ICA1L: variants seen among roughly 807,000 people sequenced by gnomAD.
The protein encoded by ICA1L is islet cell autoantigen 1-like protein.
ICA1L carries 50 observed loss-of-function variants against 61.3 expected under a neutral mutation model. That is an observed-to-expected ratio of 0.82 (90% CI 0.65 to 1.03). The LOEUF is 1.03. ICA1L is among the 50% of genes least tolerant of loss of function. ICA1L has a pLI of 0.00. For missense variants in ICA1L, 508 were observed against 556.7 expected (o/e 0.91, Z 0.88); for synonymous variants, 161 against 191.3 (o/e 0.84, Z 1.31).
intron 1 of ICA1L, chr2:202,844,232 C>T (rs1293927267): frequency 3.9e-5 from 6 of 151,960 alleles, no homozygotes; most frequent in African/African-American, 1.4e-4. Flanking sequence ...AAAAATTAGC[C>T]ATACATTGTG....
chr2:202,773,587 G>T lies in ICA1L; in HGVS notation c.*5946C>A, dbSNP rs1409242160. 2.0e-6 allele frequency: 1 copy of T among 487,880 alleles called. No individual in the cohort carries two copies. The allele number at this position is 487,880 out of a possible 1,614,324, so 30.2% of individuals were successfully genotyped here. On this transcript the variant is annotated 3_prime_UTR_variant, in exon 13 of 13. Transcript: ENST00000358299. ...AAAAGAAGCGTCTGCAACTTAAGCC[G>T]TCCACAGTCCTAAGCCTGATATGCT...
At chr2:202,827,931 T>A (rs1693894190) in intron 2 of ICA1L, among the ~76,000 whole-genome samples, 1 of 152,206 alleles carries the variant, frequency 6.6e-6, no homozygotes, top group African/African-American at 2.4e-5. Flanking sequence ...ATTCCAAGCA[T>A]AACAGAATCC....
At chr2:202,796,860 C>CA (rs1304362907) in intron 10 of ICA1L, 30 bp downstream of exon 10, 1 of 1,276,650 alleles carries the variant, frequency 7.8e-7, no homozygotes, top group Non-Finnish European at 1.1e-6. Context: ...TTTAAAGAAT[C>CA]ATTCATATGT....
At chr2:202,840,649 C>T (rs1694301086) in intron 1 of ICA1L, 1 of 586,394 alleles carries the variant, frequency 1.7e-6, no homozygotes, top group African/African-American at 1.8e-5. Context: ...GCCTGATGTT[C>T]GTCAGTTCCT....
At chr2:202,797,010 A>G in intron 9 of ICA1L, 46 bp from the exon 10 acceptor site, 2 of 1,324,928 alleles carry the variant, frequency 1.5e-6, no homozygotes, top group Admixed American at 1.9e-5. Flanking sequence ...GAAGAAATTC[A>G]GCAAGCTTAT....
Position 202,774,339 on chromosome 2 carries a change from G to A in ICA1L, c.*5194C>T. On this transcript the variant is annotated 3_prime_UTR_variant, in exon 13 of 13. Coordinates refer to ENST00000358299, the MANE Select transcript of ICA1L (RefSeq NM_001288622.3). The stretch of plus-strand genomic sequence containing the variant: ...CGCGTTCCCCGCAGCGCTGAGGCGA[G>A]CCTGCCGCGCGCTCCGCTCAGCGTG... 1 of 1,397,102 alleles carries A rather than the reference G, an allele frequency of 7.2e-7. No homozygotes were observed. Among genetic ancestry groups the A allele is most frequent in the Non-Finnish European group, 9.2e-7 (1 of 1,083,968 alleles). 86.5% of individuals were successfully genotyped at this position (1,397,102 alleles called of 1,614,324 possible).
chr2:202,788,141 T>G (rs1692644389), intron 11 of ICA1L, among the ~76,000 whole-genome samples: 2 of 152,214 alleles, frequency 1.3e-5, no homozygotes, highest in Admixed American at 1.3e-4. Flanking sequence ...TGTTTCATTT[T>G]ATAAAATGTA....
At chr2:202,787,997 T>C (rs190486417) in intron 11 of ICA1L, among the ~76,000 whole-genome samples, 60 of 152,152 alleles carry the variant, frequency 3.9e-4, no homozygotes, top group African/African-American at 1.3e-3. Flanking sequence ...CAAGCACAGA[T>C]AGATGCATCA....
At position 202,781,527 on chromosome 2, in the gene ICA1L, T is replaced by C. The variant is rs1245002315; in HGVS notation, c.1334-1879A>G. 6.6e-5 allele frequency among the ~76,000 whole-genome samples: 10 copies of C among 151,080 alleles called. No individual in the cohort carries two copies. The East Asian group carries it at 1.9e-3, about 29-fold the overall frequency. On this transcript the variant is annotated intron_variant, in intron 12 of 12. Coordinates refer to ENST00000358299, the MANE Select transcript of ICA1L (RefSeq NM_001288622.3). ...AGGCAGAGGTTGCAGTGAGCCAAGA[T>C]TGCACCACTGCACTCCAGCCTGGGT...
At chr2:202,842,676 G>A (rs1425082954) in intron 1 of ICA1L, among the ~76,000 whole-genome samples, 2 of 152,022 alleles carry the variant, frequency 1.3e-5, no homozygotes, top group East Asian at 1.9e-4. Flanking sequence ...CTCATACCTG[G>A]ATATTTATAC....
chr2:202,789,599 T>C (rs72932735), intron 10 of ICA1L, among the ~76,000 whole-genome samples: 31 of 152,256 alleles, frequency 2.0e-4, no homozygotes, highest in Middle Eastern at 3.4e-3. Flanking sequence ...AGTAGGAACA[T>C]TACAAACAAC....
chr2:202,868,664 A>T (rs551950616), intron 1 of ICA1L, among the ~76,000 whole-genome samples: 1 of 152,326 alleles, frequency 6.6e-6, no homozygotes, highest in South Asian at 2.1e-4. Context: ...CATATGACAG[A>T]ATACTATATA....
At chr2:202,794,063 C>A (rs1398010794) in intron 10 of ICA1L, among the ~76,000 whole-genome samples, 2 of 150,570 alleles carry the variant, frequency 1.3e-5, no homozygotes, top group South Asian at 2.1e-4. Context: ...GCTGGACTTA[C>A]AACTGGAATG....
chr2:202,863,629 C>G (rs1687353650), intron 1 of ICA1L, among the ~76,000 whole-genome samples: 1 of 151,916 alleles, frequency 6.6e-6, no homozygotes, highest in Non-Finnish European at 1.5e-5. Context: ...TTGAGACCAT[C>G]CTGGCTAACA....
At chr2:202,823,346 T>C (rs1249184210) in intron 3 of ICA1L, among the ~76,000 whole-genome samples, 2 of 152,220 alleles carry the variant, frequency 1.3e-5, no homozygotes, top group Non-Finnish European at 2.9e-5. Flanking sequence ...AGAAATCACA[T>C]ATTTATACAC....
chr2:202,784,602 C>T (rs1361869754), intron 12 of ICA1L, among the ~76,000 whole-genome samples: 1 of 152,056 alleles, frequency 6.6e-6, no homozygotes, highest in Non-Finnish European at 1.5e-5. Context: ...AACAGATAAC[C>T]AGTTGTGTTG....
chr2:202,823,579 T>C (rs1173371542), intron 3 of ICA1L, among the ~76,000 whole-genome samples: 1 of 152,178 alleles, frequency 6.6e-6, no homozygotes, highest in Non-Finnish European at 1.5e-5. Flanking sequence ...TGACCCCAAA[T>C]TTCCTTTGTT....
rs536274360 is a variant in ICA1L at position 202,843,291 on chromosome 2, TG to T, written c.-7-14276del. Among the ~76,000 whole-genome samples the T allele has an allele frequency of 4.5e-3, 689 of 152,262 alleles. 2 individuals are homozygous for T. Among genetic ancestry groups the T allele is most frequent in the South Asian group, 0.014 (68 of 4,818 alleles). On this transcript the variant is annotated intron_variant, in intron 1 of 12. Transcript: ENST00000358299. ...TTCATTGTGGACTGACTTTCCTCCA[TG>T]GGGTGGGGTGCAGTGGTTCTGGCAC...
At chr2:202,811,293 G>A (rs1559135003) in intron 9 of ICA1L, among the ~76,000 whole-genome samples, 1 of 152,018 alleles carries the variant, frequency 6.6e-6, no homozygotes, top group Non-Finnish European at 1.5e-5. Context: ...AAGAACCTAC[G>A]TGAAATATCG....
Sources: gnomAD v4.1 joint callset for allele counts (sites outside exome capture counted in the v4.1 genomes callset) on GRCh38, gnomAD v4.1.1 for gene constraint, MANE v1.5 for transcripts, NCBI Gene and HGNC (gene_info 2026-07-23, HGNC 2026-07-21) for gene names.